The following SH3D19 variants were observed in gnomAD, a reference collection of about 807,000 sequenced individuals.
SH3D19 encodes the protein SH3 domain-containing protein 19.
Under a neutral mutation model 112.1 loss-of-function variants are expected in SH3D19, and 58 were observed. The ratio of observed to expected loss-of-function variants is 0.52; its 90% confidence interval spans 0.42 to 0.64. The LOEUF (loss-of-function observed/expected upper bound fraction) is 0.64. SH3D19 is among the 30% of genes least tolerant of loss of function. SH3D19 has a pLI of 0.00. For synonymous variants in SH3D19, 391 were observed against 448.5 expected, an observed-to-expected ratio of 0.87 and a Z score of 1.62; for missense variants, 1,090 against 1,263.4, an observed-to-expected ratio of 0.86 and a Z score of 2.08.
chr4:151,303,412 A>T (rs1728642802), intron 1 of SH3D19, among the ~76,000 whole-genome samples: 1 of 152,234 alleles, frequency 6.6e-6, no homozygotes, highest in Non-Finnish European at 1.5e-5. Flanking sequence ...AGGGAAAAAT[A>T]GGTTTTTAAA....
At chr4:151,301,378 C>T (rs186405220) in intron 1 of SH3D19, among the ~76,000 whole-genome samples, 58 of 152,352 alleles carry the variant, frequency 3.8e-4, no homozygotes, top group African/African-American at 1.3e-3. Context: ...CAGACATGTG[C>T]CACCACACCC....
At chr4:151,143,858 GA>G in intron 12 of SH3D19, 51 bp downstream of exon 12, 1 of 1,532,254 alleles carries the variant, frequency 6.5e-7, no homozygotes, top group East Asian at 2.3e-5. Context: ...ATAGTTCCAT[GA>G]AATGTGCTGC....
At chr4:151,246,503 C>G (rs1358978864) in intron 1 of SH3D19, among the ~76,000 whole-genome samples, 1 of 152,144 alleles carries the variant, frequency 6.6e-6, no homozygotes, top group Non-Finnish European at 1.5e-5. Context: ...AAGTTTATGA[C>G]CTTTTCTCCA....
chr4:151,283,082 T>A, intron 1 of SH3D19: 1 of 1,605,416 alleles, frequency 6.2e-7, no homozygotes, highest in Non-Finnish European at 8.5e-7. Context: ...CTTTTCTAGG[T>A]TGCTTTAATC....
At chr4:151,260,809 CT>C (rs1772319818) in intron 1 of SH3D19, among the ~76,000 whole-genome samples, 2 of 152,150 alleles carry the variant, frequency 1.3e-5, no homozygotes, top group African/African-American at 2.4e-5. Context: ...CCCTCAAGGC[CT>C]TGCATACTCT....
intron 1 of SH3D19, among the ~76,000 whole-genome samples, chr4:151,320,578 C>T (rs1730435556): frequency 6.6e-6 from 1 of 151,890 alleles, no homozygotes; most frequent in Non-Finnish European, 1.5e-5. Flanking sequence ...CGAAAGAAAC[C>T]ATAGAGAAAA....
intron 2 of SH3D19, among the ~76,000 whole-genome samples, chr4:151,224,031 C>T (rs974536936): frequency 3.3e-5 from 5 of 152,098 alleles, no homozygotes; most frequent in Non-Finnish European, 5.9e-5. Flanking sequence ...TGATCTAGGC[C>T]GGGCACGGTG....
intron 13 of SH3D19, among the ~76,000 whole-genome samples, chr4:151,138,686 TCACACACACACACACACA>T (rs1177218801): frequency 2.6e-4 from 14 of 54,166 alleles, no homozygotes; most frequent in African/African-American, 6.1e-4. Context: ...AGATCTTGTC[TCACACACACACACACACA>T]CACACACACA....
At chr4:151,247,100 T>C (rs778417174) in intron 1 of SH3D19, among the ~76,000 whole-genome samples, 7 of 152,228 alleles carry the variant, frequency 4.6e-5, no homozygotes, top group Non-Finnish European at 7.3e-5. Flanking sequence ...GTGTATTATT[T>C]TTCAAATGTG....
rs574259141 is a variant in SH3D19 at position 151,237,069 on chromosome 4, C to T, written c.113-10983G>A. Among the ~76,000 whole-genome samples, 41 of 152,278 alleles carry T rather than the reference C, an allele frequency of 2.7e-4. 1 individual carries two copies. Among genetic ancestry groups the T allele is most frequent in the African/African-American group, 8.9e-4 (37 of 41,560 alleles). On this transcript the variant is annotated intron_variant, in intron 1 of 19. Coordinates refer to ENST00000604030, the MANE Select transcript of SH3D19 (RefSeq NM_001378122.1). Reference sequence around the variant, plus strand: ...CACGATAAACCTTGCTGCTGCTCACCCTTTGGGTCTGTGTTGCCTTTATGA... The same window carrying T: ...CACGATAAACCTTGCTGCTGCTCACTCTTTGGGTCTGTGTTGCCTTTATGA...
intron 14 of SH3D19, among the ~76,000 whole-genome samples, 172 bp from the exon 15 acceptor site, chr4:151,135,304 A>T (rs967379057): frequency 2.0e-5 from 3 of 152,094 alleles, no homozygotes; most frequent in African/African-American, 4.8e-5. Context: ...CTGAATTTGG[A>T]TTAAAAAAAA....
intron 1 of SH3D19, among the ~76,000 whole-genome samples, chr4:151,262,047 C>T (rs996291328): frequency 1.3e-5 from 2 of 152,040 alleles, no homozygotes; most frequent in Non-Finnish European, 2.9e-5. Flanking sequence ...AACTTAAATC[C>T]GCATTCTGTT....
intron 1 of SH3D19, among the ~76,000 whole-genome samples, chr4:151,229,938 A>G (rs955691343): frequency 6.6e-6 from 1 of 152,152 alleles, no homozygotes; most frequent in Non-Finnish European, 1.5e-5. Flanking sequence ...AAAACAAAAA[A>G]CAAGGCAGAG....
At chr4:151,278,175 C>G (rs951938559) in intron 1 of SH3D19, among the ~76,000 whole-genome samples, 1 of 152,164 alleles carries the variant, frequency 6.6e-6, no homozygotes, top group Non-Finnish European at 1.5e-5. Flanking sequence ...CAACCTCAAC[C>G]GCATCTGAGG....
chr4:151,285,839 C>T (rs965121661), intron 1 of SH3D19, among the ~76,000 whole-genome samples: 2 of 151,860 alleles, frequency 1.3e-5, no homozygotes, highest in African/African-American at 2.4e-5. Flanking sequence ...TGCACTCCAG[C>T]CAGGACAACA....
At chr4:151,247,292 A>G (rs1771010809) in intron 1 of SH3D19, among the ~76,000 whole-genome samples, 1 of 152,138 alleles carries the variant, frequency 6.6e-6, no homozygotes, top group Non-Finnish European at 1.5e-5. Context: ...TTCATTTTCT[A>G]TGTTCTAGAA....
intron 2 of SH3D19, among the ~76,000 whole-genome samples, chr4:151,204,053 A>ATGTCATTGTGAC (rs1294751504): frequency 6.6e-6 from 1 of 152,158 alleles, no homozygotes; most frequent in Non-Finnish European, 1.5e-5. Context: ...ATCTTACATT[A>ATGTCATTGTGAC]ATATATTTGT....
chr4:151,151,649 A>T (rs1336142817), intron 9 of SH3D19, among the ~76,000 whole-genome samples: 1 of 152,206 alleles, frequency 6.6e-6, no homozygotes, highest in Non-Finnish European at 1.5e-5. Flanking sequence ...GGTTTCACTA[A>T]TGAGTTCAGT....
rs1300111548 is a variant in SH3D19 at position 151,254,955 on chromosome 4, G to GCC, written c.113-28871_113-28870dup. ...GCGGCTGGCCAGGCGGGGGGCTGAC[G>GCC]CCCCCACCTCCCTCCCGGATGGGGC... On this transcript the variant is annotated intron_variant, in intron 1 of 19. Transcript: ENST00000604030. Among the ~76,000 whole-genome samples the GCC allele has an allele frequency of 6.6e-3, 916 of 138,256 alleles. 77 individuals carry two copies. Among genetic ancestry groups the GCC allele is most frequent in the Non-Finnish European group, 1.3e-3 (85 of 63,778 alleles). The allele number at this position is 138,256 out of a possible 152,430, so 90.7% of individuals were successfully genotyped here.
Sources: gnomAD v4.1 joint callset for allele counts (sites outside exome capture counted in the v4.1 genomes callset) on GRCh38, gnomAD v4.1.1 for gene constraint, MANE v1.5 for transcripts, NCBI Gene and HGNC (gene_info 2026-07-23, HGNC 2026-07-21) for gene names.